The following CLVS1 variants were observed in gnomAD, a reference collection of about 807,000 sequenced individuals.
CLVS1 encodes the protein clavesin-1.
A neutral mutation model predicts 33.1 loss-of-function variants in CLVS1; 10 were observed. The ratio of observed to expected loss-of-function variants is 0.30; its 90% CI spans 0.19 to 0.51. The LOEUF (loss-of-function observed/expected upper bound fraction) is 0.51, where lower values mean the gene tolerates loss of function less well. CLVS1 is among the 20% of genes least tolerant of loss of function. The pLI is 0.97. For synonymous variants in CLVS1, 163 were observed against 166.1 expected (o/e 0.98, Z 0.14); for missense variants, 343 against 433.4 (o/e 0.79, Z 1.85).
chr8:61,008,486 A>G, the CLVS1 span, among the ~76,000 whole-genome samples: 1 of 144,834 alleles, frequency 6.9e-6, no homozygotes, highest in African/African-American at 2.6e-5. Context: ...TTTTTTTAAG[A>G]GCTAGGATCT....
intron 5 of CLVS1, among the ~76,000 whole-genome samples, chr8:61,479,813 C>A (rs1042231618): frequency 6.6e-6 from 1 of 151,700 alleles, no homozygotes; most frequent in African/African-American, 2.4e-5. Context: ...TCAGGACCCT[C>A]AGCTGCAGGT....
chr8:61,327,391 G>A (rs1213964712), intron 2 of CLVS1, among the ~76,000 whole-genome samples: 2 of 152,078 alleles, frequency 1.3e-5, no homozygotes, highest in East Asian at 1.9e-4. Flanking sequence ...GGATAAAACA[G>A]TGAATAAGAA....
At chr8:61,353,556 A>G (rs549799944) in intron 2 of CLVS1, among the ~76,000 whole-genome samples, 133 of 152,038 alleles carry the variant, frequency 8.7e-4, no homozygotes, top group Admixed American at 1.7e-3. Flanking sequence ...AATGAAAATG[A>G]AAACGCAGCA....
At chr8:61,064,266 A>G (rs924482794) in intron 1 of CLVS1, among the ~76,000 whole-genome samples, 1 of 152,226 alleles carries the variant, frequency 6.6e-6, no homozygotes, top group Non-Finnish European at 1.5e-5. Context: ...TGGATCATAT[A>G]GTAATTCTAC....
intron 3 of CLVS1, among the ~76,000 whole-genome samples, chr8:61,452,047 G>C (rs993175497): frequency 6.6e-6 from 1 of 152,216 alleles, no homozygotes; most frequent in African/African-American, 2.4e-5. Flanking sequence ...TGGATGACTT[G>C]AGTCAGATCA....
Position 61,221,969 on chromosome 8 carries a change from C to T in CLVS1, c.-151-77708C>T, listed in dbSNP as rs143085193. Among the ~76,000 whole-genome samples the T allele has an allele frequency of 5.1e-3, 783 of 152,134 alleles. 11 individuals are homozygous for T. Among genetic ancestry groups the T allele is most frequent in the African/African-American group, 0.018 (737 of 41,548 alleles). On this transcript the variant is annotated intron_variant, in intron 2 of 2. Coordinates refer to the CLVS1 transcript ENST00000522621. ...TCTTCTAGGTTTTCTAGTTTATTTG[C>T]GTAGAGGTGTTTATAGTACTCTCTG... is the stretch of plus-strand genomic sequence containing the variant.
At chr8:60,972,937 A>G in the CLVS1 span, among the ~76,000 whole-genome samples, 84,293 of 152,034 alleles carry the variant, frequency 0.55, 23,726 homozygotes, top group South Asian at 0.71. Flanking sequence ...TGGGCAGTGG[A>G]CAAGATGAAC....
intron 1 of CLVS1, among the ~76,000 whole-genome samples, chr8:61,121,311 G>A (rs1174058879): frequency 1.3e-5 from 2 of 151,982 alleles, no homozygotes; most frequent in Non-Finnish European, 2.9e-5. Flanking sequence ...ACCTCAGATG[G>A]AAATGCAGAA....
intron 2 of CLVS1, among the ~76,000 whole-genome samples, chr8:61,156,779 A>C (rs1806659907): frequency 6.6e-6 from 1 of 152,186 alleles, no homozygotes; most frequent in African/African-American, 2.4e-5. Context: ...GAGTTTATGA[A>C]GGGGAAATAG....
chr8:61,079,789 G>GT, intron 1 of CLVS1, among the ~76,000 whole-genome samples: 1 of 149,918 alleles, frequency 6.7e-6, no homozygotes, highest in East Asian at 1.9e-4. Context: ...AAGCCATTAG[G>GT]AAAAAAAAAA....
At chr8:61,498,791 T>C (rs1442345921) in intron 5 of CLVS1, among the ~76,000 whole-genome samples, 1 of 152,168 alleles carries the variant, frequency 6.6e-6, no homozygotes, top group Non-Finnish European at 1.5e-5. Flanking sequence ...GGTGAGAGAA[T>C]CAAGGTCCAG....
At chr8:61,245,742 T>C (rs1808792596) in intron 2 of CLVS1, among the ~76,000 whole-genome samples, 1 of 151,802 alleles carries the variant, frequency 6.6e-6, no homozygotes, top group South Asian at 2.1e-4. Context: ...ACTTTAAAAA[T>C]TTTATTTCTT....
intron 1 of CLVS1, among the ~76,000 whole-genome samples, chr8:61,059,248 G>A (rs1337788532): frequency 6.6e-6 from 1 of 151,904 alleles, no homozygotes. Context: ...TCTAGTAGAT[G>A]TGTTGTAGTA....
At chr8:61,302,853 G>T (rs148161752) in intron 2 of CLVS1, among the ~76,000 whole-genome samples, 1 of 152,160 alleles carries the variant, frequency 6.6e-6, no homozygotes, top group South Asian at 2.1e-4. Flanking sequence ...GTGAAGGGGA[G>T]GCAGGCACAT....
At chr8:61,052,989 C>T (rs191666367), upstream of CLVS1, among the ~76,000 whole-genome samples, 14 of 152,188 alleles carry the variant, frequency 9.2e-5, 1 homozygote, top group East Asian at 1.4e-3. Flanking sequence ...TAGATGTAAA[C>T]GTGGATTGAC....
At chr8:61,429,114 G>A (rs1187375336) in intron 3 of CLVS1, among the ~76,000 whole-genome samples, 2 of 152,166 alleles carry the variant, frequency 1.3e-5, no homozygotes, top group East Asian at 3.9e-4. Flanking sequence ...TCATTCCATG[G>A]TGGAAGGGCA....
intron 3 of CLVS1, among the ~76,000 whole-genome samples, chr8:61,427,350 C>T (rs1815932929): frequency 6.6e-6 from 1 of 152,198 alleles, no homozygotes; most frequent in South Asian, 2.1e-4. Flanking sequence ...GCCTTGCTAG[C>T]TTCCTTTATT....
At chr8:61,018,266 C>A in the CLVS1 span, among the ~76,000 whole-genome samples, 1 of 152,268 alleles carries the variant, frequency 6.6e-6, no homozygotes, top group South Asian at 2.1e-4. Context: ...CTCCAAATTT[C>A]GTGTTATTTT....
At chr8:61,170,749 C>T (rs1048996680) in intron 2 of CLVS1, among the ~76,000 whole-genome samples, 16 of 152,168 alleles carry the variant, frequency 1.1e-4, no homozygotes, top group Non-Finnish European at 2.2e-4. Context: ...TTGATAATAG[C>T]AAGTATTCCA....
Sources: gnomAD v4.1 joint callset for allele counts (sites outside exome capture counted in the v4.1 genomes callset) on GRCh38, gnomAD v4.1.1 for gene constraint, MANE v1.5 for transcripts, NCBI Gene and HGNC (gene_info 2026-07-23, HGNC 2026-07-21) for gene names.